Variants in RNGTT observed in about 807,000 individuals in gnomAD.
RNGTT encodes RNA guanylyltransferase and 5'-phosphatase, also known as mRNA-capping enzyme.
RNGTT carries 33 observed loss-of-function variants against 79.3 expected under a neutral mutation model. The observed-to-expected ratio is 0.42, with a 90% CI of 0.32 to 0.56. The LOEUF (loss-of-function observed/expected upper bound fraction) is 0.56. Among genes scored for constraint, RNGTT ranks in the 20% least tolerant of loss-of-function variants. The pLI, the probability that RNGTT is intolerant of heterozygous loss-of-function variation, is 0.17. For synonymous variants in RNGTT, 222 were observed against 235.9 expected (o/e 0.94, Z 0.54); for missense variants, 497 against 739.1 (o/e 0.67, Z 3.80).
At chr6:88,810,729 G>A (rs1280496615) in intron 11 of RNGTT, among the ~76,000 whole-genome samples, 3 of 152,012 alleles carry the variant, frequency 2.0e-5, no homozygotes, top group African/African-American at 4.8e-5. Context: ...TATATATAAA[G>A]TAAAACTTAT....
intron 12 of RNGTT, among the ~76,000 whole-genome samples, chr6:88,780,034 TA>T (rs34454048): frequency 0.14 from 20,822 of 152,112 alleles, 1,559 homozygotes; most frequent in Middle Eastern, 0.24. Flanking sequence ...AATGGTATTT[TA>T]AGAATACTGT....
rs567003776 is a variant in RNGTT, at chr6:88,738,595, A to G, written c.1439+31179T>C. On this transcript the variant is annotated intron_variant, in intron 13 of 15. Transcript: ENST00000369485. The stretch of plus-strand genomic sequence containing the variant: ...TGGCAGGCAGAGGTTGCAGTGAGCC[A>G]AGATGGCACCACTGTACTCCAGCCT... Among the ~76,000 whole-genome samples, 22 of 152,252 alleles carry G rather than the reference A, an allele frequency of 1.4e-4. No homozygotes were observed. The South Asian group carries it at 2.5e-3, about 17-fold the overall frequency.
At chr6:88,695,493 T>C (rs2610733) in intron 13 of RNGTT, among the ~76,000 whole-genome samples, 40,474 of 151,996 alleles carry the variant, frequency 0.27, 9,432 homozygotes, top group African/African-American at 0.63. Flanking sequence ...ATTTTCAAAA[T>C]GACAAAAGAT....
intron 14 of RNGTT, among the ~76,000 whole-genome samples, chr6:88,616,595 G>A (rs1028847759): frequency 6.6e-6 from 1 of 151,952 alleles, no homozygotes. Flanking sequence ...TGGCCATCCT[G>A]ATGGTGTCAG....
In RNGTT at chr6:88,668,739, G is replaced by T. The variant is rs1774514516; in HGVS notation, c.1506+9614C>A. 2.0e-5 allele frequency among the ~76,000 whole-genome samples: 3 copies of T among 152,060 alleles called. No homozygotes were observed. The South Asian group carries it at 6.2e-4, about 31-fold the overall frequency. ...TGAGGACTGGTGGGGACTCATGAAA[G>T]ATACAAGTAAAGTAATACCAGAACA... is the stretch of plus-strand genomic sequence containing the variant. On this transcript the variant is annotated intron_variant, in intron 14 of 15. Transcript: ENST00000369485.
chr6:88,839,599 T>C (rs1213790685), intron 11 of RNGTT, among the ~76,000 whole-genome samples: 14 of 151,944 alleles, frequency 9.2e-5, no homozygotes, highest in Non-Finnish European at 1.9e-4. Context: ...CATCACTTTA[T>C]GGAGATAGTA....
At chr6:88,885,269 G>A (rs1204223489) in intron 8 of RNGTT, among the ~76,000 whole-genome samples, 2 of 151,996 alleles carry the variant, frequency 1.3e-5, no homozygotes. Flanking sequence ...CCAGGGCTGG[G>A]GTAGGAAAAG....
chr6:88,659,061 T>C (rs1056877512), intron 14 of RNGTT, among the ~76,000 whole-genome samples: 1 of 152,208 alleles, frequency 6.6e-6, no homozygotes, highest in Non-Finnish European at 1.5e-5. Flanking sequence ...ATCTATCCTA[T>C]GAGTTCTGTC....
At chr6:88,790,774 C>T (rs1409155490) in intron 12 of RNGTT, among the ~76,000 whole-genome samples, 2 of 151,996 alleles carry the variant, frequency 1.3e-5, no homozygotes, top group Non-Finnish European at 2.9e-5. Context: ...TTTAGACTTC[C>T]CCAGAAGAAA....
At chr6:88,730,966 C>T (rs181121313) in intron 13 of RNGTT, among the ~76,000 whole-genome samples, 2 of 152,112 alleles carry the variant, frequency 1.3e-5, no homozygotes, top group Admixed American at 6.5e-5. Flanking sequence ...AAGGTCACAG[C>T]CCAGGAATGC....
intron 6 of RNGTT, among the ~76,000 whole-genome samples, chr6:88,897,775 TAC>T (rs1361680956): frequency 6.6e-6 from 1 of 152,144 alleles, no homozygotes; most frequent in African/African-American, 2.4e-5. Flanking sequence ...GTCCCAAAAA[TAC>T]AGTTTATGCT....
intron 13 of RNGTT, among the ~76,000 whole-genome samples, chr6:88,730,652 A>C (rs1469367780): frequency 6.6e-6 from 1 of 152,258 alleles, no homozygotes; most frequent in Non-Finnish European, 1.5e-5. Context: ...CCTGCTGCGC[A>C]GCCCAGTTCC....
At position 88,771,346 on chromosome 6, in the gene RNGTT, TATATACAC is replaced by T. The variant is rs1270512128; in HGVS notation, c.1339-1480_1339-1473del. On this transcript the variant is annotated intron_variant, in intron 12 of 15. Transcript: ENST00000369485. ...ATATATATATATATATATATATATA[TATATACAC>T]ACACACACACACACACAATTTCTTT... Among the ~76,000 whole-genome samples the T allele has an allele frequency of 1.7e-3, 230 of 131,454 alleles. 1 individual carries two copies. The highest frequency in any genetic ancestry group is 6.3e-3 in the African/African-American group (207 of 32,646). The allele number at this position is 131,454 out of a possible 152,430, so 86.2% of individuals were successfully genotyped here.
chr6:88,637,836 TG>T (rs1773156291), intron 14 of RNGTT, among the ~76,000 whole-genome samples: 1 of 152,122 alleles, frequency 6.6e-6, no homozygotes, highest in African/African-American at 2.4e-5. Context: ...TTTATGAGCC[TG>T]GTATTGTGCT....
rs564206512 is a variant in RNGTT at position 88,950,853 on chromosome 6, T to C, written c.65-9673A>G. Among the ~76,000 whole-genome samples the C allele has an allele frequency of 2.5e-4, 35 of 142,696 alleles. No individual in the cohort carries two copies. The East Asian group carries it at 7.9e-3, about 32-fold the overall frequency. 93.6% of individuals were successfully genotyped at this position (142,696 alleles called of 152,430 possible). On this transcript the variant is annotated intron_variant, in intron 1 of 15. Coordinates refer to ENST00000369485, the MANE Select transcript of RNGTT (RefSeq NM_003800.5). ...TCTCAAAAAAATATAAATAAATAAC[T>C]GTTTTTGGTTTTTTTTTTTTTTTGA...
chr6:88,898,781 T>A (rs1251949007), intron 6 of RNGTT, among the ~76,000 whole-genome samples: 4 of 150,478 alleles, frequency 2.7e-5, no homozygotes, highest in Non-Finnish European at 4.4e-5. Flanking sequence ...AACCAAAAAG[T>A]ACAGAGCAAA....
At chr6:88,868,704 ACT>A (rs1258100417) in intron 8 of RNGTT, among the ~76,000 whole-genome samples, 2 of 152,020 alleles carry the variant, frequency 1.3e-5, no homozygotes, top group South Asian at 2.1e-4. Flanking sequence ...ATACACACAA[ACT>A]CTTTTTCCTT....
intron 13 of RNGTT, among the ~76,000 whole-genome samples, chr6:88,768,392 G>A (rs568427803): frequency 6.6e-6 from 1 of 152,282 alleles, no homozygotes; most frequent in South Asian, 2.1e-4. Context: ...ACAGGCATGA[G>A]CCACTGCACC....
intron 6 of RNGTT, among the ~76,000 whole-genome samples, chr6:88,899,012 T>C (rs1010148826): frequency 4.7e-4 from 71 of 151,920 alleles, no homozygotes; most frequent in African/African-American, 1.6e-3. Context: ...TTTCAAACTT[T>C]CTTTAATAAA....
Sources: allele counts gnomAD v4.1 joint callset (sites outside exome capture counted in the v4.1 genomes callset), GRCh38; gene constraint gnomAD v4.1.1; transcripts MANE v1.5; gene names NCBI Gene and HGNC (gene_info 2026-07-23, HGNC 2026-07-21).